The following PDE4D variants were observed in gnomAD, a reference collection of about 807,000 sequenced individuals.
PDE4D encodes the protein 3',5'-cyclic-AMP phosphodiesterase 4D.
A neutral mutation model predicts 87.4 loss-of-function variants in PDE4D; 24 were observed. That is an observed-to-expected ratio of 0.27 (90% confidence interval 0.20 to 0.39). The LOEUF (loss-of-function observed/expected upper bound fraction) is 0.39, where lower values mean the gene tolerates loss of function less well. PDE4D is among the 10% of genes least tolerant of loss of function. PDE4D has a pLI of 1.00. For missense variants in PDE4D, 714 were observed against 1,041.0 expected (o/e 0.69, Z 4.32); for synonymous variants, 384 against 383.2 (o/e 1.00, Z -0.02).
At chr5:59,582,049 C>T (rs1395592765) in intron 1 of PDE4D, among the ~76,000 whole-genome samples, 1 of 152,062 alleles carries the variant, frequency 6.6e-6, no homozygotes, top group African/African-American at 2.4e-5. Context: ...TTGGCCCCAA[C>T]AGGAATTCAG....
intron 1 of PDE4D, among the ~76,000 whole-genome samples, chr5:59,808,036 T>C (rs1026924878): frequency 6.6e-6 from 1 of 152,232 alleles, no homozygotes; most frequent in Non-Finnish European, 1.5e-5. Flanking sequence ...ATTTTTTAAA[T>C]GCTGAGTCCA....
At chr5:59,142,999 A>C (rs1038795617) in intron 5 of PDE4D, among the ~76,000 whole-genome samples, 3 of 152,202 alleles carry the variant, frequency 2.0e-5, no homozygotes, top group Admixed American at 2.0e-4. Flanking sequence ...ATATTCATGA[A>C]AAATAACTGT....
At chr5:59,109,638 C>G (rs1772271538) in intron 5 of PDE4D, among the ~76,000 whole-genome samples, 1 of 152,058 alleles carries the variant, frequency 6.6e-6, no homozygotes, top group Admixed American at 6.5e-5. Flanking sequence ...GCCTATTGGG[C>G]CCAGCTCATA....
chr5:60,053,077 A>G (rs372682697), intron 2 of PDE4D, among the ~76,000 whole-genome samples: 7 of 152,324 alleles, frequency 4.6e-5, no homozygotes, highest in African/African-American at 1.7e-4. Context: ...ATGCTCACTG[A>G]TAAAAAGAAT....
At chr5:59,066,902 A>C (rs2153415181) in intron 5 of PDE4D, among the ~76,000 whole-genome samples, 1 of 152,244 alleles carries the variant, frequency 6.6e-6, no homozygotes, top group Admixed American at 6.5e-5. Flanking sequence ...CAAAATACCA[A>C]GTCTACCGTG....
At chr5:60,179,740 G>A (rs1308862397) in intron 2 of PDE4D, among the ~76,000 whole-genome samples, 1 of 151,942 alleles carries the variant, frequency 6.6e-6, no homozygotes, top group Non-Finnish European at 1.5e-5. Flanking sequence ...TTTAATTGAA[G>A]TCAATTTTTT....
At chr5:60,165,373 T>C (rs1458153599) in intron 2 of PDE4D, among the ~76,000 whole-genome samples, 1 of 152,220 alleles carries the variant, frequency 6.6e-6, no homozygotes, top group African/African-American at 2.4e-5. Context: ...TATCTGTTTG[T>C]TTGTTTTTAT....
intron 1 of PDE4D, among the ~76,000 whole-genome samples, chr5:59,567,901 T>C (rs1300709856): frequency 2.0e-5 from 3 of 152,200 alleles, no homozygotes; most frequent in Non-Finnish European, 4.4e-5. Flanking sequence ...TGCTTCCTGA[T>C]TGTTAGATAT....
At chr5:59,870,002 A>G (rs1309949624) in intron 1 of PDE4D, among the ~76,000 whole-genome samples, 1 of 152,210 alleles carries the variant, frequency 6.6e-6, no homozygotes, top group Non-Finnish European at 1.5e-5. Flanking sequence ...AAAATTTGTT[A>G]TAAGAAAGAA....
chr5:59,894,415 C>G (rs1465539484), upstream of PDE4D, among the ~76,000 whole-genome samples: 1 of 152,128 alleles, frequency 6.6e-6, no homozygotes, highest in Non-Finnish European at 1.5e-5. Flanking sequence ...GGGTGAAGAT[C>G]CAATAGTAAG....
intron 1 of PDE4D, among the ~76,000 whole-genome samples, chr5:59,765,857 C>T (rs1259050346): frequency 6.6e-6 from 1 of 152,126 alleles, no homozygotes; most frequent in Non-Finnish European, 1.5e-5. Flanking sequence ...CAGATGTCTT[C>T]CAATATTATT....
At chr5:60,361,509 GCAGA>G (rs1248551021) in intron 1 of PDE4D, among the ~76,000 whole-genome samples, 4 of 152,112 alleles carry the variant, frequency 2.6e-5, no homozygotes, top group African/African-American at 9.7e-5. Flanking sequence ...CAAAAATCAA[GCAGA>G]CAAATACTAA....
chr5:59,888,400 G>T (rs1421571254), intron 1 of PDE4D, among the ~76,000 whole-genome samples: 2 of 152,172 alleles, frequency 1.3e-5, no homozygotes, highest in Non-Finnish European at 2.9e-5. Flanking sequence ...GAACACACTA[G>T]CTGATAAAGT....
chr5:60,223,352 A>C (rs916604117), intron 1 of PDE4D, among the ~76,000 whole-genome samples: 1 of 152,142 alleles, frequency 6.6e-6, no homozygotes, highest in Non-Finnish European at 1.5e-5. Flanking sequence ...GAAGGAAATC[A>C]ATGGTAACCA....
rs565190538 is a variant in PDE4D, at chr5:60,214,446, C to G, written c.-89-28759G>C. On this transcript the variant is annotated intron_variant, in intron 1 of 16. Coordinates refer to the PDE4D transcript ENST00000502484. ...TTAAACTTGATTTAAATGAAGATGC[C>G]CCATGTTTGTTACCTACGAGTAAGG... 7.8e-4 allele frequency among the ~76,000 whole-genome samples: 118 copies of G among 151,956 alleles called. 2 individuals carry two copies. Among genetic ancestry groups the G allele is most frequent in the African/African-American group, 2.7e-3 (112 of 41,438 alleles).
chr5:60,214,565 G>T (rs1238665477), intron 1 of PDE4D, among the ~76,000 whole-genome samples: 1 of 151,908 alleles, frequency 6.6e-6, no homozygotes, highest in Non-Finnish European at 1.5e-5. Context: ...CTTAATACTT[G>T]AAGAAGAATT....
chr5:59,509,394 T>C (rs933869494), intron 1 of PDE4D, among the ~76,000 whole-genome samples: 4 of 148,728 alleles, frequency 2.7e-5, no homozygotes, highest in East Asian at 1.9e-4. Flanking sequence ...CTAAAAGACA[T>C]TTTTAAATAA....
At chr5:59,284,880 C>A (rs1178248681) in intron 1 of PDE4D, among the ~76,000 whole-genome samples, 3 of 40,904 alleles carry the variant, frequency 7.3e-5, no homozygotes, top group East Asian at 1.1e-3. Context: ...TACTATGCAG[C>A]CATAAAAAAT....
intron 1 of PDE4D, chr5:59,586,871 C>A: frequency 8.1e-6 from 8 of 985,422 alleles, no homozygotes; most frequent in Non-Finnish European, 9.6e-6. Context: ...ATGAATATTG[C>A]TTTTTCTTCT....
Sources: gnomAD v4.1 joint callset for allele counts (sites outside exome capture counted in the v4.1 genomes callset) on GRCh38, gnomAD v4.1.1 for gene constraint, MANE v1.5 for transcripts, NCBI Gene and HGNC (gene_info 2026-07-23, HGNC 2026-07-21) for gene names.